The following PRORP variants were observed in gnomAD, a reference collection of about 807,000 sequenced individuals.
The protein encoded by PRORP is mitochondrial ribonuclease P catalytic subunit.
In PRORP, 51 loss-of-function variants were observed where a neutral mutation model predicts 59.4. The ratio of observed to expected loss-of-function variants is 0.86; its 90% CI spans 0.69 to 1.08. The LOEUF (loss-of-function observed/expected upper bound fraction) is 1.08. Ranked by LOEUF, PRORP falls within the 50% of genes least tolerant of loss-of-function variation. PRORP has a pLI of 0.00. For missense variants in PRORP, 646 were observed against 690.3 expected (o/e 0.94, Z 0.72); for synonymous variants, 231 against 245.6 (o/e 0.94, Z 0.55).
At chr14:35,255,328 C>T (rs966340350) in intron 5 of PRORP, among the ~76,000 whole-genome samples, 1 of 151,984 alleles carries the variant, frequency 6.6e-6, no homozygotes, top group Non-Finnish European at 1.5e-5. Context: ...CGGGGTTTCA[C>T]CATGTTGGTC....
At chr14:35,189,140 CTATT>C (rs2048820201) in intron 5 of PRORP, among the ~76,000 whole-genome samples, 2 of 152,194 alleles carry the variant, frequency 1.3e-5, no homozygotes, top group Admixed American at 1.3e-4. Flanking sequence ...AACCTTCACC[CTATT>C]TATTTGTTTA....
intron 4 of PRORP, among the ~76,000 whole-genome samples, chr14:35,169,449 C>T (rs902942160): frequency 8.2e-6 from 1 of 122,658 alleles, no homozygotes; most frequent in African/African-American, 3.2e-5. Context: ...GGTAAATTTA[C>T]AAAGAAAAGA....
At chr14:35,233,260 C>T (rs943311516) in intron 5 of PRORP, among the ~76,000 whole-genome samples, 5 of 150,000 alleles carry the variant, frequency 3.3e-5, no homozygotes, top group African/African-American at 4.9e-5. Context: ...CCATCGGCTA[C>T]GGCATTGCAT....
At chr14:35,181,160 A>G (rs148892454) in intron 5 of PRORP, among the ~76,000 whole-genome samples, 2 of 152,300 alleles carry the variant, frequency 1.3e-5, no homozygotes, top group East Asian at 3.9e-4. Flanking sequence ...AAGAGATATT[A>G]ATCACTCATT....
At chr14:35,163,781 C>G (rs924615528) in intron 4 of PRORP, among the ~76,000 whole-genome samples, 1 of 151,884 alleles carries the variant, frequency 6.6e-6, no homozygotes, top group Non-Finnish European at 1.5e-5. Context: ...TAATTAGGTC[C>G]CACTTGTCAA....
At chr14:35,231,402 G>A (rs1378307952) in intron 5 of PRORP, among the ~76,000 whole-genome samples, 1 of 152,088 alleles carries the variant, frequency 6.6e-6, no homozygotes, top group Non-Finnish European at 1.5e-5. Flanking sequence ...GGCTGAGAGT[G>A]GAAGTGGTTC....
intron 4 of PRORP, among the ~76,000 whole-genome samples, chr14:35,171,510 T>C (rs2138994578): frequency 6.6e-6 from 1 of 152,346 alleles, no homozygotes; most frequent in African/African-American, 2.4e-5. Context: ...AGAATTAAAC[T>C]GTCATTTGTA....
intron 5 of PRORP, among the ~76,000 whole-genome samples, chr14:35,196,028 C>T (rs1367245654): frequency 6.6e-6 from 1 of 152,148 alleles, no homozygotes; most frequent in African/African-American, 2.4e-5. Context: ...TAAGCTTCTC[C>T]CTAGGGAATC....
rs141025718 is a variant in PRORP at position 35,188,062 on chromosome 14, C to G, written c.1275+7285C>G. The stretch of plus-strand genomic sequence containing the variant: ...ACAGGGTTTCACCATGTTGTTCAGG[C>G]TGGTCTTGAACACCTGACCTCAGCC... On this transcript the variant is annotated intron_variant, in intron 5 of 7. Coordinates refer to ENST00000534898, the MANE Select transcript of PRORP (RefSeq NM_014672.4). Among the ~76,000 whole-genome samples the G allele has an allele frequency of 9.4e-3, 1,429 of 151,922 alleles. 25 individuals are homozygous for G. The highest frequency in any genetic ancestry group is 0.065 in the South Asian group (314 of 4,798).
intron 4 of PRORP, among the ~76,000 whole-genome samples, chr14:35,170,248 T>A (rs1332357404): frequency 2.0e-5 from 3 of 152,330 alleles, no homozygotes; most frequent in Non-Finnish European, 4.4e-5. Context: ...TTAAGCATTT[T>A]ATTTTGCTAT....
intron 7 of PRORP, among the ~76,000 whole-genome samples, chr14:35,271,633 T>C (rs1398286848): frequency 6.6e-6 from 1 of 152,178 alleles, no homozygotes; most frequent in Non-Finnish European, 1.5e-5. Context: ...ATCTATAATA[T>C]AAGGACACAT....
intron 5 of PRORP, among the ~76,000 whole-genome samples, chr14:35,264,953 C>T: frequency 6.6e-6 from 1 of 152,106 alleles, no homozygotes; most frequent in South Asian, 2.1e-4. Context: ...CGCGCCACTG[C>T]CCTCCAGCCT....
chr14:35,129,710 A>C (rs2047189538), intron 4 of PRORP, among the ~76,000 whole-genome samples: 1 of 150,926 alleles, frequency 6.6e-6, no homozygotes, highest in South Asian at 2.1e-4. Flanking sequence ...CGAACTCCTG[A>C]CCTCATGATC....
chr14:35,164,927 C>CA (rs1016699053), intron 4 of PRORP, among the ~76,000 whole-genome samples: 5 of 151,242 alleles, frequency 3.3e-5, no homozygotes, highest in Admixed American at 1.3e-4. Context: ...ATTTCCCAGC[C>CA]AAAAAAAACT....
chr14:35,197,949 A>T (rs1294008477), intron 5 of PRORP, among the ~76,000 whole-genome samples: 1 of 152,246 alleles, frequency 6.6e-6, no homozygotes, highest in Non-Finnish European at 1.5e-5. Context: ...CCTGAAGATG[A>T]TAACATGATC....
At position 35,126,617 on chromosome 14, in the gene PRORP, A is replaced by G. The variant is rs74043837; in HGVS notation, c.987-118A>G. ...CACTTTTTAAATTAAACCATTCTAC[A>G]GAAGTATCTTGAACTTTTCGGACTT... On this transcript the variant is annotated intron_variant, in intron 2 of 7. Coordinates refer to ENST00000534898, the MANE Select transcript of PRORP (RefSeq NM_014672.4). 185 of 695,410 alleles carry G rather than the reference A, an allele frequency of 2.7e-4. 1 individual carries two copies. The African/African-American group carries it at 3.0e-3, about 11-fold the overall frequency. 43.1% of individuals were successfully genotyped at this position (695,410 alleles called of 1,614,324 possible).
chr14:35,160,725 TGTC>T (rs1200552499), intron 4 of PRORP, among the ~76,000 whole-genome samples: 2 of 152,166 alleles, frequency 1.3e-5, no homozygotes, highest in Admixed American at 6.6e-5. Flanking sequence ...ATTTTTTTGT[TGTC>T]ATTAATTTGG....
chr14:35,145,508 T>G (rs2047582194), intron 4 of PRORP, among the ~76,000 whole-genome samples: 1 of 142,108 alleles, frequency 7.0e-6, no homozygotes, highest in Non-Finnish European at 1.6e-5. Flanking sequence ...GATCATAAGG[T>G]CAAGAGATCA....
intron 4 of PRORP, among the ~76,000 whole-genome samples, chr14:35,173,334 T>G (rs1308827804): frequency 6.6e-6 from 1 of 152,224 alleles, no homozygotes; most frequent in Non-Finnish European, 1.5e-5. Flanking sequence ...TTTTTGCTAA[T>G]TTAGCAGGCT....
Sources: allele counts gnomAD v4.1 joint callset (sites outside exome capture counted in the v4.1 genomes callset), GRCh38; gene constraint gnomAD v4.1.1; transcripts MANE v1.5; gene names NCBI Gene and HGNC (gene_info 2026-07-23, HGNC 2026-07-21).